The following CD99 variants were observed in gnomAD, a reference collection of about 807,000 sequenced individuals.
CD99 encodes CD99 antigen.
In CD99, 19 loss-of-function variants were observed where a neutral mutation model predicts 28.4. That is an observed-to-expected ratio of 0.67 (90% CI 0.47 to 0.98). The LOEUF is 0.98. Ranked by LOEUF, CD99 falls within the 50% of genes least tolerant of loss-of-function variation. The probability of loss-of-function intolerance (pLI) is 0.00; values close to 1 mark genes in which losing one functional copy is unlikely to be tolerated. For synonymous variants in CD99, 103 were observed against 92.1 expected, an observed-to-expected ratio of 1.12 and a Z score of -0.67; for missense variants, 283 against 248.8, an observed-to-expected ratio of 1.14 and a Z score of -0.92.
Position 2,691,393 on chromosome X carries a change from C to T in CD99, c.33C>T (p.Leu11=), listed in dbSNP as rs2047275759. The T allele has an allele frequency of 1.3e-6, 2 of 1,583,636 alleles. No homozygotes were observed. Among genetic ancestry groups the T allele is most frequent in the Non-Finnish European group, 1.7e-6 (2 of 1,174,284 alleles). MARGAALALL[L]FGLLGVLVAA... ...GCGGGGCTGCGCTGGCGCTGCTGCTCTTCGGCCTGCTGGGTGTTCTGGTCG... is the reference window on the plus strand; with the variant it reads ...GCGGGGCTGCGCTGGCGCTGCTGCTTTTCGGCCTGCTGGGTGTTCTGGTCG... Residue 11 remains leucine (L), a synonymous_variant, in exon 1 of 10, where the codon CTC becomes CTT. Coordinates refer to ENST00000381192, the MANE Select transcript of CD99 (RefSeq NM_002414.5).
At chrX:2,722,536 C>A in intron 5 of CD99, 91 bp from the exon 6 acceptor site, 1 of 1,114,252 alleles carries the variant, frequency 9.0e-7, no homozygotes. Context: ...GATGAACAGG[C>A]CGGTTTTCAT....
chrX:2,691,412 C>G lies in CD99; in HGVS notation c.52C>G (p.Leu18Val), dbSNP rs1803975. Residue 18 changes from leucine (L) to valine (V), a missense_variant, in exon 1 of 10, where the codon CTG (leucine) becomes GTG (valine). Leu to Val is a conservative substitution (Grantham distance 32). Coordinates refer to ENST00000381192, the MANE Select transcript of CD99 (RefSeq NM_002414.5). ...GCTGCTCTTCGGCCTGCTGGGTGTT[C>G]TGGTCGCCGCCCCGGGTGAGCGAGC... ...ALLLFGLLGV[L>V]VAAPDGGFDL... The G allele has an allele frequency of 3.3e-3, 5,160 of 1,584,724 alleles. 137 individuals are homozygous for G. The African/African-American group carries it at 0.059, about 18-fold the overall frequency.
At chrX:2,733,552 C>CT in intron 8 of CD99, 1 of 631,962 alleles carries the variant, frequency 1.6e-6, no homozygotes, top group Non-Finnish European at 2.8e-6. Context: ...GTTCCATATG[C>CT]TTTTGCCTTT....
chrX:2,733,887 A>G lies in CD99; in HGVS notation c.476-4313A>G, dbSNP rs182644183. On this transcript the variant is annotated intron_variant, in intron 8 of 9. Coordinates refer to ENST00000381192, the MANE Select transcript of CD99 (RefSeq NM_002414.5). ...TTTCTCACTGCACTTCCTATGAAGC[A>G]GTTCTTAACTCTTTCTGTGATCAGT... is the stretch of plus-strand genomic sequence containing the variant. Among the ~76,000 whole-genome samples, 260 of 152,356 alleles carry G rather than the reference A, an allele frequency of 1.7e-3. 2 individuals carry two copies. The highest frequency in any genetic ancestry group is 5.5e-3 in the African/African-American group (228 of 41,590).
intron 8 of CD99, among the ~76,000 whole-genome samples, chrX:2,728,475 C>G (rs191314907): frequency 1.4e-4 from 21 of 152,102 alleles, no homozygotes; most frequent in South Asian, 6.2e-4. Flanking sequence ...GGATTGCAGG[C>G]GTGAGCCACC....
rs41302605 is a variant in CD99 at position 2,733,476 on chromosome X, C to A, written c.476-4724C>A. 1,158 of 1,267,994 alleles carry A rather than the reference C, an allele frequency of 9.1e-4. 13 individuals are homozygous for A. The East Asian group carries it at 0.024, about 27-fold the overall frequency. The allele number at this position is 1,267,994 out of a possible 1,614,324, so 78.5% of individuals were successfully genotyped here. A position where few individuals can be genotyped will look rare whatever the true frequency, so the allele number is the denominator to read the frequency against. ...GCAAACCCTTCCATCTGCCGCTCCC[C>A]TCGCCCTGCTGGCAAATTCCCACCA... On this transcript the variant is annotated intron_variant, in intron 8 of 9. Transcript: ENST00000381192.
chrX:2,719,717 C>A lies in CD99; in HGVS notation c.193+12C>A. The A allele has an allele frequency of 6.2e-7, 1 of 1,611,992 alleles. No individual in the cohort carries two copies. Among genetic ancestry groups the A allele is most frequent in the Non-Finnish European group, 8.5e-7 (1 of 1,178,136 alleles). ...TGATGGAGAAAATGGTGAGTATTTT[C>A]CTTTAATCTCTTCTGCTGCTGATCT... On this transcript the variant is annotated intron_variant, in intron 4 of 9. Coordinates refer to ENST00000381192, the MANE Select transcript of CD99 (RefSeq NM_002414.5).
intron 8 of CD99, among the ~76,000 whole-genome samples, chrX:2,730,612 A>G (rs1208768879): frequency 1.3e-5 from 2 of 152,206 alleles, no homozygotes; most frequent in Non-Finnish European, 2.9e-5. Context: ...TGCCAAATTA[A>G]CAGAAGGTCC....
chrX:2,708,471 C>A (rs150783581), intron 1 of CD99, among the ~76,000 whole-genome samples: 7 of 152,032 alleles, frequency 4.6e-5, no homozygotes, highest in Non-Finnish European at 1.0e-4. Context: ...GAGCCTTGAG[C>A]GATGGAAGCT....
chrX:2,715,066 A>T (rs311072), intron 2 of CD99: 1 of 152,110 alleles, frequency 6.6e-6, no homozygotes, highest in Non-Finnish European at 1.5e-5. Flanking sequence ...CAGTGCTGGC[A>T]TCCTCCCTCT....
intron 8 of CD99, among the ~76,000 whole-genome samples, chrX:2,732,011 A>G (rs969978868): frequency 1.1e-4 from 17 of 151,758 alleles, no homozygotes; most frequent in Non-Finnish European, 2.4e-4. Context: ...CTCCCAGCTA[A>G]TTTTTTACCT....
intron 8 of CD99, chrX:2,737,961 G>T (rs777894456): frequency 2.8e-6 from 2 of 707,398 alleles, no homozygotes; most frequent in South Asian, 3.0e-5. Context: ...AAGCTGCTTG[G>T]ATTACCCTGT....
At chrX:2,703,069 G>C (rs185051081) in intron 1 of CD99, among the ~76,000 whole-genome samples, 3,786 of 152,192 alleles carry the variant, frequency 0.025, 163 homozygotes, top group African/African-American at 0.085. Context: ...GATTACAGGC[G>C]TGAGCCACCA....
At chrX:2,725,851 G>A (rs768269347) in intron 7 of CD99, among the ~76,000 whole-genome samples, 4 of 152,246 alleles carry the variant, frequency 2.6e-5, no homozygotes, top group Admixed American at 1.3e-4. Context: ...GACCTCAGGC[G>A]ATTCACCTGC....
chrX:2,709,377 C>T (rs1030364645), intron 1 of CD99, among the ~76,000 whole-genome samples: 3 of 152,168 alleles, frequency 2.0e-5, no homozygotes, highest in Non-Finnish European at 2.9e-5. Context: ...TCAGATAGCA[C>T]CCTCACACAT....
At chrX:2,723,884 A>G (rs1444453997) in intron 7 of CD99, among the ~76,000 whole-genome samples, 2 of 152,092 alleles carry the variant, frequency 1.3e-5, no homozygotes, top group African/African-American at 4.8e-5. Context: ...AATGACAGAC[A>G]GAATTCCTTT....
intron 8 of CD99, among the ~76,000 whole-genome samples, chrX:2,735,881 C>T (rs1013466824): frequency 1.5e-4 from 23 of 152,028 alleles, no homozygotes; most frequent in African/African-American, 4.1e-4. Context: ...CGTAAACTGG[C>T]GAGGCTGTCT....
chrX:2,711,412 T>TTA lies in CD99; in HGVS notation c.68-2997_68-2996dup, dbSNP rs755577680. Among the ~76,000 whole-genome samples, 815 of 86,394 alleles carry TTA rather than the reference T, an allele frequency of 9.4e-3. 9 individuals carry two copies. Among genetic ancestry groups the TTA allele is most frequent in the African/African-American group, 0.031 (643 of 20,722 alleles). The allele number at this position is 86,394 out of a possible 152,430, so 56.7% of individuals were successfully genotyped here. ...TGTGTATATATAGTATGTGTGTGTA[T>TTA]TATATATATATATAGTATGTGTATG... On this transcript the variant is annotated intron_variant, in intron 1 of 9. Transcript: ENST00000381192.
Position 2,723,295 on chromosome X carries a change from CGTT to C in CD99, c.311-15_311-13del, listed in dbSNP as rs758354689. 5 of 1,613,776 alleles carry C rather than the reference CGTT, an allele frequency of 3.1e-6. No homozygotes were observed. In the East Asian group the frequency reaches 8.9e-5, roughly 29 times the overall value. On this transcript the variant is annotated splice_polypyrimidine_tract_variant and intron_variant, in intron 6 of 9. Transcript: ENST00000381192. ...TGACCCCAAACCTTCCCATTGCAGA[CGTT>C]GTTTTTGTCTTGCAGGAAAAGGAGG...
Sources: allele counts gnomAD v4.1 joint callset (sites outside exome capture counted in the v4.1 genomes callset), GRCh38; gene constraint gnomAD v4.1.1; transcripts MANE v1.5; gene names NCBI Gene and HGNC (gene_info 2026-07-23, HGNC 2026-07-21).